GIGYF1: variants seen among roughly 807,000 people sequenced by gnomAD.
GIGYF1 encodes the protein GRB10 interacting GYF protein 1, also known as GRB10-interacting GYF protein 1.
A neutral mutation model predicts 147.1 loss-of-function variants in GIGYF1; 84 were observed. The observed-to-expected ratio is 0.57, with a 90% CI of 0.48 to 0.68. GIGYF1 has a LOEUF of 0.68. GIGYF1 is among the 30% of genes least tolerant of loss of function. The pLI is 0.00. For synonymous variants in GIGYF1, 752 were observed against 589.5 expected (o/e 1.28, Z -3.99); for missense variants, 1,485 against 1,393.7 (o/e 1.07, Z -1.04).
At chr7:100,682,926 G>T in intron 22 of GIGYF1, 86 bp downstream of exon 22, 1 of 1,294,496 alleles carries the variant, frequency 7.7e-7, no homozygotes, top group Non-Finnish European at 1.0e-6. Flanking sequence ...TGGGGCTGGG[G>T]CTGCACAAGT....
intron 10 of GIGYF1, 44 bp downstream of exon 10, chr7:100,686,605 T>C: frequency 2.5e-6 from 4 of 1,569,562 alleles, no homozygotes; most frequent in Non-Finnish European, 3.4e-6. Flanking sequence ...TTACAGTTCC[T>C]GCTCCCCACT....
chr7:100,685,571 G>C (rs918757929), intron 12 of GIGYF1, 90 bp from the exon 13 acceptor site: 77 of 1,431,680 alleles, frequency 5.4e-5, no homozygotes, highest in Non-Finnish European at 7.0e-5. Flanking sequence ...TGGAACCGCG[G>C]GTCACACTCC....
chr7:100,680,148 T>C lies in GIGYF1; in HGVS notation c.*1571A>G, dbSNP rs1804588645. ...CCAGCTTGATCCCCCAACACTGACC[T>C]AGTTGCCACTTTGGTGCAAAAAAAA... On this transcript the variant is annotated 3_prime_UTR_variant, in exon 27 of 27. Transcript: ENST00000678049. 1 of 119,986 alleles carries C rather than the reference T, an allele frequency of 8.3e-6. No homozygotes were observed. Among genetic ancestry groups the C allele is most frequent in the Non-Finnish European group, 1.6e-5 (1 of 61,476 alleles). 7.4% of individuals were successfully genotyped at this position (119,986 alleles called of 1,614,324 possible). A position where few individuals can be genotyped will look rare whatever the true frequency, so the allele number is the denominator to read the frequency against.
chr7:100,687,953 C>T lies in GIGYF1; in HGVS notation c.165+28G>A, dbSNP rs556883379. On this transcript the variant is annotated intron_variant, in intron 5 of 26. Transcript: ENST00000678049. Reference sequence around the variant, plus strand: ...CCCCTCCACAGGCAGAGGCCACCACCGCCAACCCCCCTCGCCCACGCACCC... The same window carrying T: ...CCCCTCCACAGGCAGAGGCCACCACTGCCAACCCCCCTCGCCCACGCACCC... 77 of 1,609,614 alleles carry T rather than the reference C, an allele frequency of 4.8e-5. 1 individual carries two copies. In the South Asian group the frequency reaches 7.3e-4, roughly 15 times the overall value.
rs1805293290 is a variant in GIGYF1 at position 100,685,999 on chromosome 7, C to T, written c.1029G>A (p.Gly343=). 1 of 1,612,686 alleles carries T rather than the reference C, an allele frequency of 6.2e-7. No homozygotes were observed. The highest frequency in any genetic ancestry group is 1.3e-5 in the African/African-American group (1 of 75,014). ...CTGCCTCAGGCCCTTCCTCCTCTAG[C>T]CCTTCGGAAGGTTCCTCCTCCTCCT... ...GLEEEEEPSE[G]LEEEGPEAGG... is the part of the protein sequence containing the mutation. The change falls in exon 12 of 27, where the codon GGG becomes GGA. Residue 343 remains glycine, a synonymous_variant. Coordinates refer to ENST00000678049, the MANE Select transcript of GIGYF1 (RefSeq NM_001375765.1).
At chr7:100,685,271 AC>A in intron 13 of GIGYF1, 72 bp downstream of exon 13, 1 of 1,530,810 alleles carries the variant, frequency 6.5e-7, no homozygotes, top group Non-Finnish European at 8.8e-7. Context: ...CTGTGTGCCC[AC>A]CCCCACGAGT....
In GIGYF1 at chr7:100,685,128, T is replaced by C. The variant is rs1207661499; in HGVS notation, c.1211A>G (p.Gln404Arg). ...AGAGGAGCCCACCCCGGGACTCAGC[T>C]GGATCCCCCGAATATCATCTGGAAG... ...PAAEDDIRGI[Q>R]LSPGVGSSAG... is the part of the protein sequence containing the mutation. The change falls in exon 14 of 27, where the codon CAG (glutamine) becomes CGG (arginine). Residue 404 changes from glutamine to arginine, a missense_variant. By Grantham distance (43) the Gln-to-Arg change is conservative (BLOSUM62 1). Transcript: ENST00000678049. The C allele has an allele frequency of 5.1e-6, 8 of 1,583,430 alleles. No homozygotes were observed. Among genetic ancestry groups the C allele is most frequent in the Non-Finnish European group, 6.9e-6 (8 of 1,163,656 alleles).
rs1562867742 is a variant in GIGYF1 at position 100,681,973 on chromosome 7, G to C, written c.2946C>G (p.Ala982=). ...QQQQEAWLSS[A]SLQTAFQANH... Reference sequence around the variant, plus strand: ...TGGCCTGGAAGGCCGTCTGCAGCGAGGCGCTGCTCAGCCATGCCTCCTAAG... The same window carrying C: ...TGGCCTGGAAGGCCGTCTGCAGCGACGCGCTGCTCAGCCATGCCTCCTAAG... Residue 982 remains alanine, a synonymous_variant, in exon 26 of 27, where the codon GCC becomes GCG. Coordinates refer to ENST00000678049, the MANE Select transcript of GIGYF1 (RefSeq NM_001375765.1). 2 of 1,609,006 alleles carry C rather than the reference G, an allele frequency of 1.2e-6. No homozygotes were observed. Among genetic ancestry groups the C allele is most frequent in the Non-Finnish European group, 8.5e-7 (1 of 1,179,936 alleles).
rs535234900 is a variant in GIGYF1 at position 100,681,616 on chromosome 7, C to A, written c.*103G>T. The A allele has an allele frequency of 4.5e-6, 5 of 1,121,210 alleles. No individual in the cohort carries two copies. The highest frequency in any genetic ancestry group is 6.2e-6 in the Non-Finnish European group (5 of 810,490). The allele number at this position is 1,121,210 out of a possible 1,614,324, so 69.5% of individuals were successfully genotyped here. On this transcript the variant is annotated 3_prime_UTR_variant, in exon 27 of 27. Transcript: ENST00000678049. ...ACAAGTGCTGGGGACCCCGCCCCTG[C>A]CTCTTCCTGTGCTCTCTGCGGGGAG...
At position 100,682,247 on chromosome 7, in the gene GIGYF1, G is replaced by A. The variant is rs1214683403; in HGVS notation, c.2762-12C>T. On this transcript the variant is annotated splice_polypyrimidine_tract_variant and intron_variant, in intron 24 of 26. Transcript: ENST00000678049. Reference sequence around the variant, plus strand: ...TACAGCCATGGGCACTGCAGGATGAGCGAAGGCTGTCAGGGCCCCCTGGCC... The same window carrying A: ...TACAGCCATGGGCACTGCAGGATGAACGAAGGCTGTCAGGGCCCCCTGGCC... 5 of 1,609,452 alleles carry A rather than the reference G, an allele frequency of 3.1e-6. No individual in the cohort carries two copies. The highest frequency in any genetic ancestry group is 2.5e-6 in the Non-Finnish European group (3 of 1,178,766).
chr7:100,684,460 G>A lies in GIGYF1; in HGVS notation c.1619C>T (p.Pro540Leu). ...GGAGAAGCGGCTCACCAGCAGTGGG[G>A]GAGGTGAGGGCCCTGGGGCAAAGGG... is the stretch of plus-strand genomic sequence containing the variant. ...RVPFAPGPSP[P>L]PLLGNMDQER... Residue 540 changes from proline (P) to leucine (L), a missense_variant, in exon 16 of 27, where the codon CCC becomes CTC. Coordinates refer to ENST00000678049, the MANE Select transcript of GIGYF1 (RefSeq NM_001375765.1). The A allele has an allele frequency of 6.2e-7, 1 of 1,612,856 alleles. No homozygotes were observed. The highest frequency in any genetic ancestry group is 1.6e-4 in the Middle Eastern group (1 of 6,062).
intron 18 of GIGYF1, 24 bp downstream of exon 18, chr7:100,683,996 T>C (rs1584494395): frequency 9.9e-7 from 1 of 1,009,678 alleles, no homozygotes; most frequent in Non-Finnish European, 1.4e-6. Context: ...CCCTGTATCC[T>C]GAGGGCTCGC....
At chr7:100,683,504 G>A in intron 20 of GIGYF1, 46 bp downstream of exon 20, 1 of 1,613,706 alleles carries the variant, frequency 6.2e-7, no homozygotes, top group Non-Finnish European at 8.5e-7. Flanking sequence ...GCCTGCCTCG[G>A]TCCACCCTTC....
chr7:100,684,408 C>A, intron 16 of GIGYF1, 42 bp downstream of exon 16: 1 of 1,608,238 alleles, frequency 6.2e-7, no homozygotes, highest in Non-Finnish European at 8.5e-7. Context: ...CTGCCGGCAC[C>A]CCTCACACCC....
intron 1 of GIGYF1, among the ~76,000 whole-genome samples, chr7:100,690,730 TG>T (rs1192727263): frequency 7.1e-6 from 1 of 140,606 alleles, no homozygotes; most frequent in Non-Finnish European, 1.5e-5. Context: ...TGCAGTGAGC[TG>T]AGATTGCGCC....
In GIGYF1 at chr7:100,684,224, AG is replaced by A. The variant is rs745629039; in HGVS notation, c.1730+12del. On this transcript the variant is annotated intron_variant, in intron 17 of 26. Coordinates refer to ENST00000678049, the MANE Select transcript of GIGYF1 (RefSeq NM_001375765.1). ...GCCGGGCCTTCTCCCAGCCCACCCC[AG>A]GCCCCCCATACCTGCTGACCAGCTG... 1.3e-6 allele frequency: 2 copies of A among 1,499,172 alleles called. No homozygotes were observed. The highest frequency in any genetic ancestry group is 9.2e-7 in the Non-Finnish European group (1 of 1,092,556). The allele number at this position is 1,499,172 out of a possible 1,614,324, so 92.9% of individuals were successfully genotyped here. A position where few individuals can be genotyped will look rare whatever the true frequency, so the allele number is the denominator to read the frequency against.
rs772243868 is a variant in GIGYF1 at position 100,682,731 on chromosome 7, T to A, written c.2459A>T (p.Glu820Val). The part of the protein sequence containing the change: ...GTAPLNQWVS[E>V]AGPLWGGPDK... ...TGGCCCGCCCCACAGTGGCCCAGCCTCAGACACCCACTGGTTCAGGGGGGC... is the reference window on the plus strand; with the variant it reads ...TGGCCCGCCCCACAGTGGCCCAGCCACAGACACCCACTGGTTCAGGGGGGC... The change falls in exon 23 of 27, where the codon GAG becomes GTG. Residue 820 changes from glutamate to valine, a missense_variant. By Grantham distance (121) the Glu-to-Val change is moderately radical. Transcript: ENST00000678049. The A allele has an allele frequency of 6.4e-7, 1 of 1,561,306 alleles. No individual in the cohort carries two copies. The highest frequency in any genetic ancestry group is 8.7e-7 in the Non-Finnish European group (1 of 1,154,998).
rs765162625 is a variant in GIGYF1, at chr7:100,685,964, C to T, written c.1054+10G>A. On this transcript the variant is annotated intron_variant, in intron 12 of 26. Coordinates refer to ENST00000678049, the MANE Select transcript of GIGYF1 (RefSeq NM_001375765.1). Reference sequence around the variant, plus strand: ...CCAGCCCCAGGCCCGCTGGGCACCCCGCGGCTCACCTGCCTCAGGCCCTTC... The same window carrying T: ...CCAGCCCCAGGCCCGCTGGGCACCCTGCGGCTCACCTGCCTCAGGCCCTTC... 217 of 1,609,820 alleles carry T rather than the reference C, an allele frequency of 1.3e-4. 1 individual carries two copies. Among genetic ancestry groups the T allele is most frequent in the Middle Eastern group, 8.1e-4 (4 of 4,968 alleles).
intron 1 of GIGYF1, among the ~76,000 whole-genome samples, chr7:100,691,534 A>C (rs1805825104): frequency 6.9e-6 from 1 of 145,138 alleles, no homozygotes; most frequent in Non-Finnish European, 1.5e-5. Context: ...AAACTGCCTA[A>C]GTTTGTCTAT....
Sources: gnomAD v4.1 joint callset for allele counts (sites outside exome capture counted in the v4.1 genomes callset) on GRCh38, gnomAD v4.1.1 for gene constraint, MANE v1.5 for transcripts, NCBI Gene and HGNC (gene_info 2026-07-23, HGNC 2026-07-21) for gene names.